FGF14: variants seen among roughly 807,000 people sequenced by gnomAD.
FGF14 encodes fibroblast growth factor homologous factor 4.
A neutral mutation model predicts 25.5 loss-of-function variants in FGF14; 5 were observed. The observed-to-expected ratio is 0.20, with a 90% CI of 0.10 to 0.41. The LOEUF (loss-of-function observed/expected upper bound fraction) is 0.41, where lower values mean the gene tolerates loss of function less well. FGF14 is among the 10% of genes least tolerant of loss of function. The pLI, the probability that FGF14 is intolerant of heterozygous loss-of-function variation, is 1.00. For synonymous variants in FGF14, 138 were observed against 118.3 expected (o/e 1.17, Z -1.08); for missense variants, 222 against 320.1 (o/e 0.69, Z 2.34).
chr13:101,952,491 T>G (rs1172995729), intron 1 of FGF14, among the ~76,000 whole-genome samples: 1 of 152,126 alleles, frequency 6.6e-6, no homozygotes, highest in Non-Finnish European at 1.5e-5. Flanking sequence ...GTGATTAGTT[T>G]GTTGCATAAG....
chr13:102,208,315 T>C (rs2050023352), intron 1 of FGF14, among the ~76,000 whole-genome samples: 1 of 152,228 alleles, frequency 6.6e-6, no homozygotes, highest in Admixed American at 6.5e-5. Context: ...AGGCTTGTTG[T>C]TCAGGAGCAT....
chr13:101,873,778 A>C (rs977381050), intron 2 of FGF14, among the ~76,000 whole-genome samples: 1 of 152,124 alleles, frequency 6.6e-6, no homozygotes, highest in Non-Finnish European at 1.5e-5. Flanking sequence ...AAAAGCTGCA[A>C]AAGTACATGT....
At chr13:102,231,431 A>C (rs2051078740) in intron 1 of FGF14, among the ~76,000 whole-genome samples, 1 of 152,226 alleles carries the variant, frequency 6.6e-6, no homozygotes, top group Non-Finnish European at 1.5e-5. Flanking sequence ...AGAAATGTTT[A>C]GAAATGAGAA....
At chr13:102,205,764 C>G (rs1277452851) in intron 1 of FGF14, among the ~76,000 whole-genome samples, 1 of 139,618 alleles carries the variant, frequency 7.2e-6, no homozygotes, top group Non-Finnish European at 1.5e-5. Context: ...CATAAATAAA[C>G]TGTTTAAACT....
At chr13:102,183,208 C>T (rs1035572159) in intron 1 of FGF14, among the ~76,000 whole-genome samples, 2 of 152,014 alleles carry the variant, frequency 1.3e-5, no homozygotes, top group Non-Finnish European at 2.9e-5. Flanking sequence ...AAAAGACTCA[C>T]CTATAATATG....
chr13:102,158,351 T>A (rs2047447851), intron 1 of FGF14, among the ~76,000 whole-genome samples: 1 of 152,264 alleles, frequency 6.6e-6, no homozygotes. Flanking sequence ...TAAAAAATGA[T>A]GAGTTCACGT....
chr13:101,889,703 A>G (rs764153125), intron 1 of FGF14, among the ~76,000 whole-genome samples: 17 of 152,146 alleles, frequency 1.1e-4, no homozygotes, highest in Non-Finnish European at 2.1e-4. Context: ...TCTAACATAC[A>G]TTATTTCCAT....
chr13:101,996,897 T>C (rs1185490912), intron 1 of FGF14, among the ~76,000 whole-genome samples: 1 of 152,210 alleles, frequency 6.6e-6, no homozygotes, highest in Non-Finnish European at 1.5e-5. Context: ...AGCACCCTAA[T>C]TATAAAACAA....
At chr13:101,788,949 C>G (rs9518547) in intron 3 of FGF14, among the ~76,000 whole-genome samples, 3,383 of 73,004 alleles carry the variant, frequency 0.046, 74 homozygotes, top group South Asian at 0.068. Flanking sequence ...GAGAGAGAGA[C>G]AGAGAGAGAG....
chr13:101,976,113 T>C (rs9557773), intron 1 of FGF14, among the ~76,000 whole-genome samples: 54,880 of 122,552 alleles, frequency 0.45, 10,438 homozygotes, highest in East Asian at 0.78. Context: ...CAATATGTCA[T>C]TGATTTTTTT....
chr13:102,044,049 G>C (rs1204187298), intron 1 of FGF14, among the ~76,000 whole-genome samples: 1 of 152,236 alleles, frequency 6.6e-6, no homozygotes, highest in African/African-American at 2.4e-5. Context: ...AATGCCCAAA[G>C]TAAGGTGGCT....
At chr13:101,984,879 TCAA>T (rs2038477136) in intron 1 of FGF14, among the ~76,000 whole-genome samples, 1 of 152,102 alleles carries the variant, frequency 6.6e-6, no homozygotes, top group African/African-American at 2.4e-5. Context: ...ATCTGGATAA[TCAA>T]CAATAAGAAA....
At chr13:102,041,366 TAG>T (rs80045137) in intron 1 of FGF14, among the ~76,000 whole-genome samples, 8,125 of 152,080 alleles carry the variant, frequency 0.053, 267 homozygotes, top group Middle Eastern at 0.082. Flanking sequence ...AGTGTGAAAT[TAG>T]AGTCATTATG....
chr13:101,958,409 T>C (rs73569517), intron 1 of FGF14, among the ~76,000 whole-genome samples: 185 of 152,368 alleles, frequency 1.2e-3, no homozygotes, highest in African/African-American at 4.2e-3. Context: ...TACTTCCTCC[T>C]GTCCCACTTA....
chr13:102,205,964 G>T, intron 1 of FGF14, among the ~76,000 whole-genome samples: 1 of 110,538 alleles, frequency 9.0e-6, no homozygotes, highest in African/African-American at 3.3e-5. Flanking sequence ...CGAGAAGGTA[G>T]CTCAAGAAGC....
chr13:101,947,456 G>A (rs9585819), intron 1 of FGF14, among the ~76,000 whole-genome samples: 7,586 of 152,102 alleles, frequency 0.05, 628 homozygotes, highest in African/African-American at 0.17. Flanking sequence ...ATAATGGATT[G>A]GATTAGAAAA....
chr13:102,384,794 A>G (rs1470861638), intron 1 of FGF14, among the ~76,000 whole-genome samples: 2 of 152,236 alleles, frequency 1.3e-5, no homozygotes, highest in African/African-American at 4.8e-5. Flanking sequence ...AGTCATCACA[A>G]GTTGATTAAT....
intron 1 of FGF14, among the ~76,000 whole-genome samples, chr13:101,991,551 A>G (rs1425674934): frequency 1.3e-5 from 2 of 152,256 alleles, no homozygotes; most frequent in East Asian, 1.9e-4. Context: ...GTAACAAGAA[A>G]AAGGCTGGAT....
intron 4 of FGF14, 145 bp downstream of exon 4, chr13:101,726,467 G>A: frequency 1.4e-6 from 1 of 731,982 alleles, no homozygotes; most frequent in Non-Finnish European, 2.3e-6. Flanking sequence ...ACTTAAGTAG[G>A]CACCTGTGCA....
Sources: allele counts gnomAD v4.1 joint callset (sites outside exome capture counted in the v4.1 genomes callset), GRCh38; gene constraint gnomAD v4.1.1; transcripts MANE v1.5; gene names NCBI Gene and HGNC (gene_info 2026-07-23, HGNC 2026-07-21).